Variants in RBM6 observed in about 807,000 individuals in gnomAD.
RBM6 encodes the protein RNA binding motif protein 6.
A neutral mutation model predicts 140.4 loss-of-function variants in RBM6; 23 were observed. That is an observed-to-expected ratio of 0.16 (90% CI 0.12 to 0.23). RBM6 has a LOEUF of 0.23. RBM6 is among the 10% of genes least tolerant of loss of function. The pLI is 1.00. For synonymous variants in RBM6, 439 were observed against 475.6 expected (o/e 0.92, Z 1.00); for missense variants, 1,139 against 1,386.7 (o/e 0.82, Z 2.84).
intron 5 of RBM6, among the ~76,000 whole-genome samples, chr3:49,988,497 G>GA (rs1449745935): frequency 6.6e-6 from 1 of 151,498 alleles, no homozygotes; most frequent in African/African-American, 2.4e-5. Context: ...CCTGGAAAGA[G>GA]AAAAAAGATA....
intron 6 of RBM6, among the ~76,000 whole-genome samples, chr3:50,044,729 T>C (rs1361211186): frequency 6.6e-6 from 1 of 152,042 alleles, no homozygotes; most frequent in Non-Finnish European, 1.5e-5. Flanking sequence ...TGGGGAGGGG[T>C]GCAGTGTATG....
chr3:50,011,635 T>A (rs1268276734), intron 6 of RBM6, among the ~76,000 whole-genome samples: 1 of 152,090 alleles, frequency 6.6e-6, no homozygotes, highest in East Asian at 1.9e-4. Context: ...CAAGCAGCAT[T>A]GACACTATGG....
chr3:50,030,707 C>A (rs1282796388), intron 6 of RBM6, among the ~76,000 whole-genome samples: 1 of 152,178 alleles, frequency 6.6e-6, no homozygotes, highest in Non-Finnish European at 1.5e-5. Flanking sequence ...GTGGTTTGGT[C>A]ATGATCAGGG....
chr3:50,035,121 G>A (rs972960128), intron 6 of RBM6, among the ~76,000 whole-genome samples: 1 of 145,846 alleles, frequency 6.9e-6, no homozygotes, highest in African/African-American at 2.5e-5. Flanking sequence ...TATCCATACA[G>A]GTCTGCAGCA....
chr3:50,071,488 G>T (rs2090294730), intron 19 of RBM6, among the ~76,000 whole-genome samples: 1 of 150,858 alleles, frequency 6.6e-6, no homozygotes, highest in Non-Finnish European at 1.5e-5. Context: ...TCAAGTGAAA[G>T]ATCATGATTG....
intron 6 of RBM6, among the ~76,000 whole-genome samples, chr3:50,009,813 C>T (rs1479816281): frequency 6.6e-6 from 1 of 152,202 alleles, no homozygotes; most frequent in Non-Finnish European, 1.5e-5. Flanking sequence ...AGTCCTGCCT[C>T]AGACTCACAA....
chr3:50,040,533 C>T (rs13060067), intron 6 of RBM6, among the ~76,000 whole-genome samples: 5 of 141,496 alleles, frequency 3.5e-5, no homozygotes, highest in Non-Finnish European at 4.6e-5. Flanking sequence ...TATATATATA[C>T]ACACACACAT....
At chr3:50,039,823 C>T (rs1297715637) in intron 6 of RBM6, among the ~76,000 whole-genome samples, 1 of 152,190 alleles carries the variant, frequency 6.6e-6, no homozygotes, top group Non-Finnish European at 1.5e-5. Flanking sequence ...CTTGTCTTCT[C>T]ACAAGGAGAG....
chr3:50,047,244 A>T, intron 6 of RBM6: 1 of 985,306 alleles, frequency 1.0e-6, no homozygotes, highest in Non-Finnish European at 1.2e-6. Context: ...TATAACTCAG[A>T]GCCCTGTCTG....
chr3:49,961,761 T>C (rs998948199), intron 1 of RBM6, among the ~76,000 whole-genome samples: 12 of 150,732 alleles, frequency 8.0e-5, no homozygotes, highest in African/African-American at 2.7e-4. Context: ...ATAGTGCCAC[T>C]GGACTCCAGC....
At chr3:50,058,098 C>T in intron 9 of RBM6, 95 bp downstream of exon 9, 1 of 1,425,858 alleles carries the variant, frequency 7.0e-7, no homozygotes, top group Non-Finnish European at 9.5e-7. Context: ...CTTTCCAGTA[C>T]CCTGAGAGAT....
chr3:49,990,072 G>C (rs1437105452), intron 5 of RBM6, among the ~76,000 whole-genome samples: 3 of 152,078 alleles, frequency 2.0e-5, no homozygotes, highest in Non-Finnish European at 2.9e-5. Flanking sequence ...TAAAACTATG[G>C]AGTAATACTA....
At chr3:49,989,751 ATTTAT>A (rs2085730166) in intron 5 of RBM6, among the ~76,000 whole-genome samples, 1 of 152,066 alleles carries the variant, frequency 6.6e-6, no homozygotes, top group Admixed American at 6.6e-5. Context: ...TATTTTATTT[ATTTAT>A]TTTGATACAG....
rs377602376 is a variant in RBM6, at chr3:50,059,606, T to C, written c.2131-43T>C. ...GGAGAATTTTTCTGTCTTTGGGTTC[T>C]GGCATTTTCTGTCTCTGGGTTCAAG... On this transcript the variant is annotated intron_variant, in intron 10 of 20. Coordinates refer to ENST00000266022, the MANE Select transcript of RBM6 (RefSeq NM_005777.3). The C allele has an allele frequency of 6.0e-4, 912 of 1,519,288 alleles. 3 individuals are homozygous for C. Among genetic ancestry groups the C allele is most frequent in the South Asian group, 2.5e-3 (211 of 83,972 alleles). 94.1% of individuals were successfully genotyped at this position (1,519,288 alleles called of 1,614,324 possible). A position where few individuals can be genotyped will look rare whatever the true frequency, so the allele number is the denominator to read the frequency against.
intron 1 of RBM6, chr3:49,940,548 C>T (rs544761547): frequency 4.2e-4 from 66 of 155,540 alleles, no homozygotes; most frequent in South Asian, 1.6e-3. Flanking sequence ...CTCTTCGGAG[C>T]TGTAAGCGGG....
intron 6 of RBM6, among the ~76,000 whole-genome samples, chr3:50,006,144 C>CT (rs1169238410): frequency 0.024 from 2,752 of 112,778 alleles, 106 homozygotes; most frequent in African/African-American, 0.049. Context: ...CTGATTGAGA[C>CT]TTTTTTTTTT....
At chr3:50,043,501 A>G (rs982046606) in intron 6 of RBM6, among the ~76,000 whole-genome samples, 2 of 137,098 alleles carry the variant, frequency 1.5e-5, no homozygotes, top group African/African-American at 5.4e-5. Flanking sequence ...AAAAAAAAAG[A>G]GAGATCTATC....
intron 6 of RBM6, among the ~76,000 whole-genome samples, chr3:50,010,397 G>A (rs1195409052): frequency 1.3e-5 from 2 of 152,040 alleles, no homozygotes; most frequent in Non-Finnish European, 2.9e-5. Context: ...GGGGAGTCGG[G>A]GGGTGGCAGG....
At position 50,015,512 on chromosome 3, in the gene RBM6, G is replaced by C. The variant is rs536284337; in HGVS notation, c.1557+15999G>C. 1.5e-4 allele frequency among the ~76,000 whole-genome samples: 22 copies of C among 150,390 alleles called. No homozygotes were observed. The South Asian group carries it at 4.6e-3, about 32-fold the overall frequency. On this transcript the variant is annotated intron_variant, in intron 6 of 20. Transcript: ENST00000266022. ...GTGGCGCGATCTCGGATCACTGCAA[G>C]CTCCGCCTCCTGGGTTCATGCCATT...
Sources: gnomAD v4.1 joint callset for allele counts (sites outside exome capture counted in the v4.1 genomes callset) on GRCh38, gnomAD v4.1.1 for gene constraint, MANE v1.5 for transcripts, NCBI Gene and HGNC (gene_info 2026-07-23, HGNC 2026-07-21) for gene names.